The following RAB7A variants were observed in gnomAD, a reference collection of about 807,000 sequenced individuals.
RAB7A encodes ras-related protein Rab-7a.
A neutral mutation model predicts 24.5 loss-of-function variants in RAB7A; 2 were observed. The ratio of observed to expected loss-of-function variants is 0.08; its 90% CI spans 0.03 to 0.26. The LOEUF (loss-of-function observed/expected upper bound fraction) is 0.26, where lower values mean the gene tolerates loss of function less well. RAB7A is among the 10% of genes least tolerant of loss of function. RAB7A has a pLI of 1.00. For synonymous variants in RAB7A, 100 were observed against 95.9 expected, an observed-to-expected ratio of 1.04 and a Z score of -0.25; for missense variants, 118 against 255.7, an observed-to-expected ratio of 0.46 and a Z score of 3.67.
At chr3:128,810,947 A>G (rs1232014659) in intron 5 of RAB7A, among the ~76,000 whole-genome samples, 2 of 151,972 alleles carry the variant, frequency 1.3e-5, no homozygotes, top group Non-Finnish European at 2.9e-5. Flanking sequence ...CCAGCTACTT[A>G]GGATGCTGAG....
intron 1 of RAB7A, among the ~76,000 whole-genome samples, chr3:128,765,519 T>C (rs983579147): frequency 6.6e-6 from 1 of 152,222 alleles, no homozygotes; most frequent in African/African-American, 2.4e-5. Flanking sequence ...GACTGGATAA[T>C]TTATAAACAA....
chr3:128,772,058 T>C (rs1475797293), intron 1 of RAB7A, among the ~76,000 whole-genome samples: 1 of 152,220 alleles, frequency 6.6e-6, no homozygotes, highest in African/African-American at 2.4e-5. Flanking sequence ...GTTAAAAATT[T>C]TAACTCATAA....
chr3:128,760,528 A>G (rs1232617932), intron 1 of RAB7A, among the ~76,000 whole-genome samples: 1 of 152,130 alleles, frequency 6.6e-6, no homozygotes, highest in African/African-American at 2.4e-5. Flanking sequence ...AACACTTCCT[A>G]CAATGTAGAG....
At chr3:128,733,653 A>G (rs1270020244) in intron 1 of RAB7A, among the ~76,000 whole-genome samples, 1 of 152,072 alleles carries the variant, frequency 6.6e-6, no homozygotes, top group Non-Finnish European at 1.5e-5. Flanking sequence ...TTTCCTCTGT[A>G]TTGGCTGTGT....
chr3:128,734,827 C>G (rs936449634), intron 1 of RAB7A, among the ~76,000 whole-genome samples: 1 of 152,164 alleles, frequency 6.6e-6, no homozygotes, highest in African/African-American at 2.4e-5. Context: ...CATTATAGAC[C>G]TTAGTTTGAT....
chr3:128,757,631 C>T (rs1207337814), intron 1 of RAB7A, among the ~76,000 whole-genome samples: 6 of 151,062 alleles, frequency 4.0e-5, no homozygotes, highest in Non-Finnish European at 7.4e-5. Flanking sequence ...AGTGATTTCT[C>T]CTGCCTCATT....
chr3:128,758,926 A>C (rs1468993794), intron 1 of RAB7A, among the ~76,000 whole-genome samples: 1 of 152,214 alleles, frequency 6.6e-6, no homozygotes. Context: ...TCCCTGGCTC[A>C]GAGTTTTAAG....
At chr3:128,739,287 A>G (rs1576269430) in intron 1 of RAB7A, among the ~76,000 whole-genome samples, 1 of 152,158 alleles carries the variant, frequency 6.6e-6, no homozygotes, top group Non-Finnish European at 1.5e-5. Context: ...AGGTGGGCGG[A>G]TCACCTGAGG....
rs536940486 is a variant in RAB7A, at chr3:128,773,534, G to A, written c.-8-21826G>A. Reference sequence around the variant, plus strand: ...AGGTGGGGGGCACCTCTGCCCGGCCGCCCCTTCTGGGAAGTGAGGAGCCCC... The same window carrying A: ...AGGTGGGGGGCACCTCTGCCCGGCCACCCCTTCTGGGAAGTGAGGAGCCCC... On this transcript the variant is annotated intron_variant, in intron 1 of 5. Coordinates refer to ENST00000265062, the MANE Select transcript of RAB7A (RefSeq NM_004637.6). 5.4e-3 allele frequency among the ~76,000 whole-genome samples: 809 copies of A among 151,062 alleles called. 3 individuals carry two copies. Among genetic ancestry groups the A allele is most frequent in the Non-Finnish European group, 9.4e-3 (633 of 67,574 alleles).
intron 5 of RAB7A, among the ~76,000 whole-genome samples, chr3:128,809,116 G>A (rs1243679160): frequency 6.6e-6 from 1 of 152,216 alleles, no homozygotes; most frequent in Admixed American, 6.5e-5. Flanking sequence ...TTTCCCACCT[G>A]TTCCCTGTTG....
intron 1 of RAB7A, among the ~76,000 whole-genome samples, chr3:128,760,299 C>G (rs1035724480): frequency 2.0e-5 from 3 of 152,132 alleles, no homozygotes; most frequent in African/African-American, 7.2e-5. Context: ...GTCAGCTCTC[C>G]CGATTCTCAG....
chr3:128,772,434 A>G (rs1033397784), intron 1 of RAB7A, among the ~76,000 whole-genome samples: 1 of 152,096 alleles, frequency 6.6e-6, no homozygotes, highest in African/African-American at 2.4e-5. Flanking sequence ...CTTCCATAAC[A>G]TATTTAAAAT....
chr3:128,800,698 T>A (rs924699108), intron 3 of RAB7A, among the ~76,000 whole-genome samples: 1 of 152,140 alleles, frequency 6.6e-6, no homozygotes, highest in African/African-American at 2.4e-5. Flanking sequence ...CAGCAGGCAG[T>A]GGGGTATGTT....
At chr3:128,767,085 G>C (rs1404193912) in intron 1 of RAB7A, among the ~76,000 whole-genome samples, 13 of 152,034 alleles carry the variant, frequency 8.6e-5, no homozygotes, top group Admixed American at 2.6e-4. Context: ...TTCATGCCTA[G>C]TGCCTGATCC....
intron 5 of RAB7A, among the ~76,000 whole-genome samples, chr3:128,813,056 C>G (rs978457704): frequency 1.3e-5 from 2 of 152,264 alleles, no homozygotes; most frequent in East Asian, 3.8e-4. Flanking sequence ...GTCCTGATTG[C>G]TCAGTGCAGA....
rs192418864 is a variant in RAB7A at position 128,813,347 on chromosome 3, C to T, written c.549C>T (p.Tyr183=). 3 of 1,614,186 alleles carry T rather than the reference C, an allele frequency of 1.9e-6. No individual in the cohort carries two copies. The highest frequency in any genetic ancestry group is 4.5e-5 in the East Asian group (2 of 44,888). The change falls in exon 6 of 6, where the codon TAC becomes TAT. Residue 183 remains tyrosine, a synonymous_variant. Transcript: ENST00000265062. ...TCCAGGAAACGGAGGTGGAGCTGTA[C>T]AACGAATTTCCTGAACCTATCAAAC... is the stretch of plus-strand genomic sequence containing the variant. The part of the protein sequence containing the change: ...ALKQETEVEL[Y]NEFPEPIKLD...
intron 1 of RAB7A, among the ~76,000 whole-genome samples, chr3:128,774,970 G>A (rs180854447): frequency 1.7e-4 from 26 of 152,094 alleles, no homozygotes; most frequent in African/African-American, 4.8e-4. Flanking sequence ...TAGTAGAGAC[G>A]GGGTTTCACC....
chr3:128,793,765 C>T (rs1296596848), intron 1 of RAB7A, among the ~76,000 whole-genome samples: 2 of 152,186 alleles, frequency 1.3e-5, no homozygotes, highest in Admixed American at 1.3e-4. Flanking sequence ...TCTTATACTG[C>T]CCCTAACTAG....
chr3:128,761,081 A>G (rs2070772723), intron 1 of RAB7A, among the ~76,000 whole-genome samples: 1 of 152,164 alleles, frequency 6.6e-6, no homozygotes, highest in Non-Finnish European at 1.5e-5. Context: ...CCTTGGCGTA[A>G]GTGTATAAAA....
Sources: gnomAD v4.1 joint callset for allele counts (sites outside exome capture counted in the v4.1 genomes callset) on GRCh38, gnomAD v4.1.1 for gene constraint, MANE v1.5 for transcripts, NCBI Gene and HGNC (gene_info 2026-07-23, HGNC 2026-07-21) for gene names.